ZNF138: variants seen among roughly 807,000 people sequenced by gnomAD.
The protein encoded by ZNF138 is zinc finger protein 138.
Under a neutral mutation model 33.0 loss-of-function variants are expected in ZNF138, and 33 were observed. The ratio of observed to expected loss-of-function variants is 1.00; its 90% CI spans 0.76 to 1.34. The LOEUF (loss-of-function observed/expected upper bound fraction) is 1.34. Among genes scored for constraint, ZNF138 ranks in the 40% most tolerant of loss-of-function variants. ZNF138 has a pLI of 0.00. For synonymous variants in ZNF138, 139 were observed against 120.4 expected, an observed-to-expected ratio of 1.15 and a Z score of -1.01; for missense variants, 360 against 370.8, an observed-to-expected ratio of 0.97 and a Z score of 0.24.
At chr7:64,837,502 G>A (rs1333022500), downstream of ZNF138, among the ~76,000 whole-genome samples, 3 of 152,130 alleles carry the variant, frequency 2.0e-5, no homozygotes, top group Admixed American at 6.5e-5. Flanking sequence ...AGGAAGGGGC[G>A]CCTGTATAGG....
the ZNF138 span, among the ~76,000 whole-genome samples, chr7:64,845,368 A>G: frequency 3.5e-4 from 54 of 152,366 alleles, no homozygotes; most frequent in Non-Finnish European, 6.0e-4. Context: ...TGCAATTGCA[A>G]ATCATTCTGC....
rs550284163 is a variant in ZNF138, at chr7:64,830,940, C to T, written c.209-511C>T. On this transcript the variant is annotated intron_variant, in intron 3 of 3. Coordinates refer to ENST00000307355, the MANE Select transcript of ZNF138 (RefSeq NM_001271639.2). Reference sequence around the variant, plus strand: ...ACAACTGTTCCCTGTCTCTTTGCAGCTGTAGCATTTACCTTTGATCTCAGT... The same window carrying T: ...ACAACTGTTCCCTGTCTCTTTGCAGTTGTAGCATTTACCTTTGATCTCAGT... 2.6e-6 allele frequency: 4 copies of T among 1,550,714 alleles called. No individual in the cohort carries two copies. In the African/African-American group the frequency reaches 5.5e-5, roughly 21 times the overall value.
the ZNF138 span, among the ~76,000 whole-genome samples, chr7:64,858,744 T>A: frequency 1.4e-4 from 21 of 152,224 alleles, no homozygotes; most frequent in Admixed American, 6.5e-4. Context: ...TTTTTAAAAA[T>A]TTTTTTCAAT....
At chr7:64,841,833 A>G in the ZNF138 span, among the ~76,000 whole-genome samples, 1 of 152,190 alleles carries the variant, frequency 6.6e-6, no homozygotes, top group African/African-American at 2.4e-5. Flanking sequence ...TTGCTTATCA[A>G]TATAACTTTC....
At chr7:64,808,478 G>A (rs1468976183) in intron 1 of ZNF138, among the ~76,000 whole-genome samples, 1 of 151,672 alleles carries the variant, frequency 6.6e-6, no homozygotes, top group Non-Finnish European at 1.5e-5. Context: ...AATAGATGTG[G>A]GCAAAAAAAG....
At chr7:64,798,163 A>G (rs1364685339) in intron 1 of ZNF138, among the ~76,000 whole-genome samples, 2 of 151,922 alleles carry the variant, frequency 1.3e-5, no homozygotes, top group African/African-American at 4.8e-5. Context: ...GTGGTCTCAA[A>G]CTCCTGACCT....
At chr7:64,795,547 TATTTTAATTAATC>T (rs1165325351) in intron 1 of ZNF138, among the ~76,000 whole-genome samples, 1 of 152,220 alleles carries the variant, frequency 6.6e-6, no homozygotes, top group Admixed American at 6.5e-5. Context: ...TGAAATACTG[TATTTTAATTAATC>T]ATTTTTTGAC....
the ZNF138 span, among the ~76,000 whole-genome samples, chr7:64,842,630 G>A: frequency 6.6e-6 from 1 of 152,122 alleles, no homozygotes; most frequent in Non-Finnish European, 1.5e-5. Flanking sequence ...TACTTTTTAT[G>A]CAAACTTGTT....
chr7:64,797,174 T>C (rs1786756713), intron 1 of ZNF138, among the ~76,000 whole-genome samples: 3 of 151,712 alleles, frequency 2.0e-5, no homozygotes, highest in Non-Finnish European at 4.4e-5. Flanking sequence ...AGTGAATACC[T>C]CTCTTCTGTA....
chr7:64,823,524 C>T (rs1789334050), intron 3 of ZNF138, among the ~76,000 whole-genome samples: 1 of 151,742 alleles, frequency 6.6e-6, no homozygotes, highest in Non-Finnish European at 1.5e-5. Flanking sequence ...TTTGTAGGGA[C>T]AAGACATCAC....
chr7:64,826,927 G>A (rs1001137904), intron 3 of ZNF138, among the ~76,000 whole-genome samples: 2 of 151,406 alleles, frequency 1.3e-5, no homozygotes, highest in Non-Finnish European at 3.0e-5. Context: ...TGGGATTACA[G>A]GTGTGAGCCA....
chr7:64,809,135 G>A (rs1271432046), intron 1 of ZNF138, among the ~76,000 whole-genome samples: 294 of 117,454 alleles, frequency 2.5e-3, no homozygotes, highest in Non-Finnish European at 4.5e-3. Flanking sequence ...CGGGCAGAGG[G>A]GCTCCTCACT....
intron 1 of ZNF138, among the ~76,000 whole-genome samples, chr7:64,809,624 G>A (rs1274476238): frequency 6.7e-6 from 1 of 149,868 alleles, no homozygotes; most frequent in Non-Finnish European, 1.5e-5. Context: ...TCCCAGACGG[G>A]GTGGCTGCCG....
chr7:64,849,036 A>G, the ZNF138 span, among the ~76,000 whole-genome samples: 1 of 152,186 alleles, frequency 6.6e-6, no homozygotes. Context: ...GTTTTGTCAT[A>G]CTACCAGAAT....
chr7:64,810,769 G>C (rs73142738), intron 1 of ZNF138, among the ~76,000 whole-genome samples: 58,381 of 151,936 alleles, frequency 0.38, 12,241 homozygotes, highest in Non-Finnish European at 0.48. Flanking sequence ...GCCTTATTTA[G>C]GTCTGGCCCC....
downstream of ZNF138, among the ~76,000 whole-genome samples, chr7:64,838,434 C>T (rs1790426503): frequency 6.6e-6 from 1 of 152,150 alleles, no homozygotes; most frequent in Non-Finnish European, 1.5e-5. Flanking sequence ...AGTTGCCGCA[C>T]TTGAAGCAGG....
At chr7:64,802,957 A>G (rs1787268292) in intron 1 of ZNF138, among the ~76,000 whole-genome samples, 1 of 152,034 alleles carries the variant, frequency 6.6e-6, no homozygotes, top group African/African-American at 2.4e-5. Flanking sequence ...AGACAATGGC[A>G]TGAGTGACTA....
At chr7:64,839,764 G>T in the ZNF138 span, among the ~76,000 whole-genome samples, 1 of 152,114 alleles carries the variant, frequency 6.6e-6, no homozygotes, top group Non-Finnish European at 1.5e-5. Flanking sequence ...GAGTCTTCCC[G>T]AGCCTCTGGG....
the ZNF138 span, among the ~76,000 whole-genome samples, chr7:64,847,420 A>G: frequency 1.4e-5 from 2 of 146,572 alleles, no homozygotes; most frequent in Admixed American, 6.9e-5. Context: ...GTTTAAGTCC[A>G]TTGTTTCTTT....
Sources: allele counts gnomAD v4.1 joint callset (sites outside exome capture counted in the v4.1 genomes callset), GRCh38; gene constraint gnomAD v4.1.1; transcripts MANE v1.5; gene names NCBI Gene and HGNC (gene_info 2026-07-23, HGNC 2026-07-21).